CADPS2: variants seen among roughly 807,000 people sequenced by gnomAD.
The protein encoded by CADPS2 is calcium dependent secretion activator 2.
CADPS2 carries 93 observed loss-of-function variants against 172.5 expected under a neutral mutation model. The ratio of observed to expected loss-of-function variants is 0.54; its 90% CI spans 0.46 to 0.64. CADPS2 has a LOEUF of 0.64. Ranked by LOEUF, CADPS2 falls within the 30% of genes least tolerant of loss-of-function variation. The pLI is 0.00. For synonymous variants in CADPS2, 546 were observed against 555.2 expected, an observed-to-expected ratio of 0.98 and a Z score of 0.23; for missense variants, 1,420 against 1,565.9, an observed-to-expected ratio of 0.91 and a Z score of 1.57.
chr7:122,461,667 T>C (rs1392553139), intron 14 of CADPS2, among the ~76,000 whole-genome samples: 1 of 152,082 alleles, frequency 6.6e-6, no homozygotes, highest in East Asian at 1.9e-4. Flanking sequence ...CCATCTCGGC[T>C]CACTGCAACC....
At chr7:122,547,783 G>A (rs1461370746) in intron 8 of CADPS2, among the ~76,000 whole-genome samples, 1 of 152,080 alleles carries the variant, frequency 6.6e-6, no homozygotes, top group East Asian at 1.9e-4. Flanking sequence ...GAGAGAGAAG[G>A]GTTCTTTGTA....
intron 6 of CADPS2, among the ~76,000 whole-genome samples, chr7:122,591,986 T>C (rs1303415241): frequency 6.7e-6 from 1 of 149,634 alleles, no homozygotes; most frequent in Non-Finnish European, 1.5e-5. Flanking sequence ...AATTGACAAA[T>C]GGGATCTAAT....
At chr7:122,624,607 C>T (rs71574708) in intron 4 of CADPS2, among the ~76,000 whole-genome samples, 7,854 of 152,236 alleles carry the variant, frequency 0.052, 260 homozygotes, top group African/African-American at 0.059. Flanking sequence ...AATGTTTTTG[C>T]TACAAATTAG....
Position 122,629,307 on chromosome 7 carries a change from C to T in CADPS2, c.808G>A (p.Ala270Thr), listed in dbSNP as rs1300997831. ...TCAAGTTCCCTTCTGATCTGGGCTG[C>T]TTGTTCATCTGCGTTATCCAGCTTA... ...ACQLDNADEQ[A>T]AQIRRELDGR... The change falls in exon 4 of 30, where the codon GCA becomes ACA. Residue 270 changes from alanine (A) to threonine (T), a missense_variant. Transcript: ENST00000449022. The T allele has an allele frequency of 6.2e-7, 1 of 1,608,982 alleles. No homozygotes were observed.
At chr7:122,399,460 G>A (rs1374570290) in intron 20 of CADPS2, among the ~76,000 whole-genome samples, 2 of 152,090 alleles carry the variant, frequency 1.3e-5, no homozygotes, top group Non-Finnish European at 2.9e-5. Context: ...AAGTAAAGAA[G>A]TCTTATGGTC....
intron 2 of CADPS2, among the ~76,000 whole-genome samples, chr7:122,722,298 G>A (rs1012671685): frequency 1.7e-3 from 263 of 151,848 alleles, no homozygotes; most frequent in African/African-American, 5.9e-3. Context: ...AAACCCCATC[G>A]TCTCAGCCCA....
At chr7:122,746,222 TAAC>T (rs1392276967) in intron 1 of CADPS2, among the ~76,000 whole-genome samples, 1 of 152,172 alleles carries the variant, frequency 6.6e-6, no homozygotes, top group Non-Finnish European at 1.5e-5. Flanking sequence ...CGTGAATAAT[TAAC>T]AATAGATGGA....
chr7:122,682,292 G>C (rs1001429913), intron 2 of CADPS2, among the ~76,000 whole-genome samples: 1 of 152,110 alleles, frequency 6.6e-6, no homozygotes. Context: ...TGGCAAATAA[G>C]AATTTCTAGA....
chr7:122,493,467 T>C (rs2058473639), intron 9 of CADPS2, among the ~76,000 whole-genome samples: 1 of 152,176 alleles, frequency 6.6e-6, no homozygotes, highest in African/African-American at 2.4e-5. Context: ...GACTGCTAAG[T>C]TGCATGACAA....
intron 12 of CADPS2, among the ~76,000 whole-genome samples, chr7:122,479,036 T>TAAAAGGAAAAGGGAAAGA (rs1412903698): frequency 1.3e-5 from 2 of 151,858 alleles, no homozygotes; most frequent in African/African-American, 4.8e-5. Context: ...ATCATGGATG[T>TAAAAGGAAAAGGGAAAGA]AAAAGGAAAA....
Position 122,849,773 on chromosome 7 carries a change from C to G in CADPS2, c.339+36226G>C, listed in dbSNP as rs1813019670. The G allele has an allele frequency of 6.4e-6, 3 of 466,742 alleles. No homozygotes were observed. The Admixed American group carries it at 8.2e-5, about 13-fold the overall frequency. 28.9% of individuals were successfully genotyped at this position (466,742 alleles called of 1,614,324 possible). On this transcript the variant is annotated intron_variant, in intron 1 of 29. Transcript: ENST00000449022. Reference sequence around the variant, plus strand: ...AACAATGGCCAGTAAAAACTGTCCCCAAGCCAGCCCCCAGCCCTCTCCCTT... The same window carrying G: ...AACAATGGCCAGTAAAAACTGTCCCGAAGCCAGCCCCCAGCCCTCTCCCTT...
At chr7:122,652,008 A>C (rs548199883) in intron 3 of CADPS2, among the ~76,000 whole-genome samples, 2 of 152,258 alleles carry the variant, frequency 1.3e-5, no homozygotes, top group Middle Eastern at 6.8e-3. Flanking sequence ...GAAGTTCCCC[A>C]AAAAGCCATG....
chr7:122,606,124 C>G (rs2073499830), intron 6 of CADPS2, among the ~76,000 whole-genome samples: 1 of 152,158 alleles, frequency 6.6e-6, no homozygotes, highest in Non-Finnish European at 1.5e-5. Flanking sequence ...CATCATCAAT[C>G]AATCACTTCC....
chr7:122,611,775 A>C (rs534554820), intron 6 of CADPS2, among the ~76,000 whole-genome samples: 1 of 152,200 alleles, frequency 6.6e-6, no homozygotes, highest in African/African-American at 2.4e-5. Flanking sequence ...AATTACAAGG[A>C]CAATATCTCT....
intron 6 of CADPS2, among the ~76,000 whole-genome samples, chr7:122,588,580 T>C (rs1201693263): frequency 1.3e-5 from 2 of 152,032 alleles, no homozygotes; most frequent in Non-Finnish European, 2.9e-5. Flanking sequence ...CAGATTCTTC[T>C]AATAATAGAA....
At chr7:122,500,575 C>A (rs998155315) in intron 9 of CADPS2, among the ~76,000 whole-genome samples, 6 of 152,094 alleles carry the variant, frequency 3.9e-5, no homozygotes, top group Non-Finnish European at 5.9e-5. Context: ...GTAGGCACCC[C>A]ATTATGTTAC....
At chr7:122,652,303 T>G (rs2135016277) in intron 3 of CADPS2, among the ~76,000 whole-genome samples, 1 of 152,300 alleles carries the variant, frequency 6.6e-6, no homozygotes, top group Non-Finnish European at 1.5e-5. Context: ...ACTAATTAAT[T>G]TGAACATACT....
chr7:122,692,720 G>T (rs1008286782), intron 2 of CADPS2, among the ~76,000 whole-genome samples: 1 of 152,236 alleles, frequency 6.6e-6, no homozygotes, highest in African/African-American at 2.4e-5. Flanking sequence ...CCCTGCTGAG[G>T]TCCGAGGGGA....
chr7:122,331,313 G>T (rs1305149558), intron 28 of CADPS2, among the ~76,000 whole-genome samples: 3 of 152,154 alleles, frequency 2.0e-5, no homozygotes, highest in Non-Finnish European at 4.4e-5. Context: ...AAAGGCATCT[G>T]ATATTTATTT....
Sources: allele counts gnomAD v4.1 joint callset (sites outside exome capture counted in the v4.1 genomes callset), GRCh38; gene constraint gnomAD v4.1.1; transcripts MANE v1.5; gene names NCBI Gene and HGNC (gene_info 2026-07-23, HGNC 2026-07-21).